TAFA1: variants seen among roughly 807,000 people sequenced by gnomAD.
TAFA1 encodes the protein TAFA chemokine like family member 1.
A neutral mutation model predicts 18.5 loss-of-function variants in TAFA1; 4 were observed. That is an observed-to-expected ratio of 0.22 (90% CI 0.11 to 0.49). The LOEUF (loss-of-function observed/expected upper bound fraction) is 0.49. Ranked by LOEUF, TAFA1 falls within the 20% of genes least tolerant of loss-of-function variation. The pLI is 0.98. For missense variants in TAFA1, 147 were observed against 169.0 expected, an observed-to-expected ratio of 0.87 and a Z score of 0.72; for synonymous variants, 56 against 55.2, an observed-to-expected ratio of 1.01 and a Z score of -0.06.
intron 2 of TAFA1, among the ~76,000 whole-genome samples, chr3:68,277,603 A>G (rs2067819712): frequency 1.3e-5 from 2 of 152,182 alleles, no homozygotes; most frequent in African/African-American, 4.8e-5. Context: ...GTTTGGAACT[A>G]TTTCACATGG....
intron 2 of TAFA1, among the ~76,000 whole-genome samples, chr3:68,377,840 T>C (rs530583625): frequency 6.6e-6 from 1 of 152,282 alleles, no homozygotes; most frequent in Admixed American, 6.5e-5. Flanking sequence ...CTGCTCCAGC[T>C]CCAGCCATGG....
chr3:68,001,850 A>G (rs1473340585), upstream of TAFA1, among the ~76,000 whole-genome samples: 1 of 152,222 alleles, frequency 6.6e-6, no homozygotes, highest in Non-Finnish European at 1.5e-5. Context: ...TAGATCCATT[A>G]AAGATTGGTA....
At chr3:68,437,886 C>A (rs533988023) in intron 3 of TAFA1, among the ~76,000 whole-genome samples, 5 of 152,206 alleles carry the variant, frequency 3.3e-5, no homozygotes, top group Non-Finnish European at 7.4e-5. Context: ...CTTGTTCTAG[C>A]ACCAACTCAA....
intron 2 of TAFA1, among the ~76,000 whole-genome samples, chr3:68,159,363 A>T (rs925188396): frequency 6.6e-6 from 1 of 152,190 alleles, no homozygotes; most frequent in Non-Finnish European, 1.5e-5. Flanking sequence ...GCTCCTTGAA[A>T]AAAATAGTTC....
chr3:68,477,460 C>T (rs967812909), intron 3 of TAFA1, among the ~76,000 whole-genome samples: 20 of 152,142 alleles, frequency 1.3e-4, no homozygotes, highest in African/African-American at 4.8e-4. Context: ...CTGCAACCTC[C>T]ACCTCCCAGG....
intron 2 of TAFA1, among the ~76,000 whole-genome samples, chr3:68,174,074 G>A (rs1320392325): frequency 6.6e-6 from 1 of 152,122 alleles, no homozygotes; most frequent in South Asian, 2.1e-4. Flanking sequence ...CTAGCAGTTT[G>A]TGAGAAATGC....
chr3:68,022,965 TG>T (rs1295244518), intron 2 of TAFA1, among the ~76,000 whole-genome samples: 17 of 147,692 alleles, frequency 1.2e-4, no homozygotes, highest in African/African-American at 3.5e-4. Context: ...AAGTTACTCT[TG>T]TTTTTTTTTT....
chr3:68,162,305 G>A (rs374116605), intron 2 of TAFA1, among the ~76,000 whole-genome samples: 29 of 152,252 alleles, frequency 1.9e-4, no homozygotes, highest in African/African-American at 6.7e-4. Context: ...ATGGTTTCAG[G>A]ATGAAACTGT....
intron 2 of TAFA1, among the ~76,000 whole-genome samples, chr3:68,402,501 C>G (rs559706840): frequency 6.6e-6 from 1 of 152,244 alleles, no homozygotes; most frequent in East Asian, 1.9e-4. Flanking sequence ...ATTGTCATCA[C>G]TGTCAAAAGG....
Position 68,487,837 on chromosome 3 carries a change from A to C in TAFA1, c.260-50919A>C, listed in dbSNP as rs528268066. On this transcript the variant is annotated intron_variant, in intron 3 of 4. Transcript: ENST00000478136. ...AAAAAAAAAAAAGGTGAAGTGATAA[A>C]TTACACATTCATCATATTGAAACAT... Among the ~76,000 whole-genome samples, 4 of 149,540 alleles carry C rather than the reference A, an allele frequency of 2.7e-5. No individual in the cohort carries two copies. The East Asian group carries it at 7.8e-4, about 29-fold the overall frequency.
intron 3 of TAFA1, among the ~76,000 whole-genome samples, chr3:68,501,005 A>T (rs916901384): frequency 1.1e-4 from 17 of 152,118 alleles, no homozygotes; most frequent in Non-Finnish European, 2.1e-4. Context: ...TACAAAAAAA[A>T]TTAGCCAGGC....
intron 3 of TAFA1, among the ~76,000 whole-genome samples, chr3:68,446,087 T>G (rs781289459): frequency 4.6e-5 from 7 of 152,084 alleles, no homozygotes; most frequent in Non-Finnish European, 8.8e-5. Context: ...TTTAATTTTT[T>G]GTAGTGATGG....
intron 2 of TAFA1, among the ~76,000 whole-genome samples, chr3:68,366,035 G>A (rs1224524021): frequency 2.1e-5 from 3 of 145,954 alleles, no homozygotes; most frequent in Admixed American, 7.0e-5. Context: ...GCAGCAAGCC[G>A]AGATTGCACC....
Position 68,356,921 on chromosome 3 carries a change from C to T in TAFA1, c.119-60359C>T, listed in dbSNP as rs75714755. ...AACAATTCCTACCCAGAAACTAGCA[C>T]AGCTAGTATCTGGACCCAAGTCTCT... is the stretch of plus-strand genomic sequence containing the variant. On this transcript the variant is annotated intron_variant, in intron 2 of 4. Coordinates refer to ENST00000478136, the MANE Select transcript of TAFA1 (RefSeq NM_213609.4). Among the ~76,000 whole-genome samples, 308 of 152,008 alleles carry T rather than the reference C, an allele frequency of 2.0e-3. 1 individual carries two copies. Among genetic ancestry groups the T allele is most frequent in the African/African-American group, 7.0e-3 (289 of 41,514 alleles).
intron 2 of TAFA1, among the ~76,000 whole-genome samples, chr3:68,207,451 T>C (rs2066541390): frequency 6.6e-6 from 1 of 151,994 alleles, no homozygotes; most frequent in Non-Finnish European, 1.5e-5. Flanking sequence ...ATTTTTAAAA[T>C]TTTGTTAGTG....
chr3:68,110,771 A>G lies in TAFA1; in HGVS notation c.118+104027A>G, dbSNP rs370026272. ...AACTATGGCTATCTTCCTATCTAAA[A>G]GAGGCGGTTCTTTGGCATAAAAGTA... is the stretch of plus-strand genomic sequence containing the variant. On this transcript the variant is annotated intron_variant, in intron 2 of 4. Transcript: ENST00000478136. Among the ~76,000 whole-genome samples, 6 of 152,188 alleles carry G rather than the reference A, an allele frequency of 3.9e-5. No homozygotes were observed. The South Asian group carries it at 1.2e-3, about 31-fold the overall frequency.
intron 2 of TAFA1, among the ~76,000 whole-genome samples, chr3:68,022,761 T>C (rs1433058124): frequency 6.8e-6 from 1 of 147,062 alleles, no homozygotes; most frequent in African/African-American, 2.6e-5. Flanking sequence ...AAGTGGAAGC[T>C]GGCTTTGAAA....
intron 3 of TAFA1, among the ~76,000 whole-genome samples, 181 bp from the exon 4 acceptor site, chr3:68,538,575 G>T (rs1010506613): frequency 9.2e-5 from 14 of 152,108 alleles, no homozygotes; most frequent in Admixed American, 2.0e-4. Flanking sequence ...AATTATATTT[G>T]CATTATAAGG....
At chr3:68,122,179 T>C (rs566430503) in intron 2 of TAFA1, among the ~76,000 whole-genome samples, 1 of 151,736 alleles carries the variant, frequency 6.6e-6, no homozygotes, top group East Asian at 1.9e-4. Context: ...AGGTCTCTGA[T>C]ATGACTGTTC....
Sources: gnomAD v4.1 joint callset for allele counts (sites outside exome capture counted in the v4.1 genomes callset) on GRCh38, gnomAD v4.1.1 for gene constraint, MANE v1.5 for transcripts, NCBI Gene and HGNC (gene_info 2026-07-23, HGNC 2026-07-21) for gene names.